Variants in MYRIP observed in about 807,000 individuals in gnomAD.
The protein encoded by MYRIP is rab effector MyRIP.
A neutral mutation model predicts 98.0 loss-of-function variants in MYRIP; 49 were observed. That is an observed-to-expected ratio of 0.50 (90% CI 0.40 to 0.63). MYRIP has a LOEUF of 0.63. MYRIP is among the 30% of genes least tolerant of loss of function. MYRIP has a pLI of 0.00. For missense variants in MYRIP, 1,004 were observed against 1,058.2 expected (o/e 0.95, Z 0.71); for synonymous variants, 404 against 409.5 (o/e 0.99, Z 0.16).
intron 3 of MYRIP, among the ~76,000 whole-genome samples, chr3:40,065,381 G>A (rs1575508310): frequency 6.6e-6 from 1 of 152,112 alleles, no homozygotes. Context: ...GCTACTCAGT[G>A]TTAGGACTTC....
At chr3:39,995,836 T>C (rs1946336938) in intron 2 of MYRIP, among the ~76,000 whole-genome samples, 1 of 152,220 alleles carries the variant, frequency 6.6e-6, no homozygotes, top group Non-Finnish European at 1.5e-5. Context: ...ACAGCTGATC[T>C]CTTCGCAGAA....
intron 2 of MYRIP, among the ~76,000 whole-genome samples, chr3:40,018,168 C>T (rs755930691): frequency 2.0e-5 from 3 of 149,772 alleles, no homozygotes; most frequent in Non-Finnish European, 4.4e-5. Flanking sequence ...TGTCTCAACA[C>T]TCTGACAGAT....
intron 2 of MYRIP, among the ~76,000 whole-genome samples, chr3:39,908,336 T>G (rs987789224): frequency 1.3e-5 from 2 of 152,138 alleles, no homozygotes; most frequent in Admixed American, 1.3e-4. Flanking sequence ...AAATAAACGC[T>G]TTTGAGACCT....
In MYRIP at chr3:40,178,642, T is replaced by C. The variant is rs547218845; in HGVS notation, c.874-3578T>C. Among the ~76,000 whole-genome samples the C allele has an allele frequency of 2.0e-5, 3 of 152,334 alleles. No homozygotes were observed. In the East Asian group the frequency reaches 5.8e-4, roughly 29 times the overall value. On this transcript the variant is annotated intron_variant, in intron 8 of 16. Coordinates refer to ENST00000302541, the MANE Select transcript of MYRIP (RefSeq NM_015460.4). The stretch of plus-strand genomic sequence containing the variant: ...CTCAGTGGTAATACTTAATAAATGC[T>C]CTTATTTGGCTAATATTTATTGAGT...
intron 2 of MYRIP, among the ~76,000 whole-genome samples, chr3:39,996,740 G>A (rs1946369154): frequency 6.6e-6 from 1 of 152,096 alleles, no homozygotes; most frequent in Non-Finnish European, 1.5e-5. Context: ...ATTCTTTACA[G>A]CACCACACCA....
chr3:39,859,150 C>T (rs983932738), intron 1 of MYRIP, among the ~76,000 whole-genome samples: 15 of 142,670 alleles, frequency 1.1e-4, no homozygotes, highest in African/African-American at 3.3e-4. Flanking sequence ...GCTAGACTAA[C>T]GAAAGATGGA....
intron 1 of MYRIP, among the ~76,000 whole-genome samples, chr3:39,812,195 A>G (rs974946564): frequency 6.6e-6 from 1 of 152,018 alleles, no homozygotes; most frequent in South Asian, 2.1e-4. Context: ...CATTACCCCT[A>G]CCTACAGGCA....
chr3:40,060,714 C>T (rs543762677), intron 3 of MYRIP, among the ~76,000 whole-genome samples: 30 of 151,986 alleles, frequency 2.0e-4, no homozygotes, highest in Admixed American at 5.2e-4. Flanking sequence ...GCCTCAGCCT[C>T]CCTAGTAGCT....
intron 8 of MYRIP, among the ~76,000 whole-genome samples, chr3:40,176,232 C>T (rs1245764553): frequency 6.6e-6 from 1 of 152,218 alleles, no homozygotes; most frequent in Middle Eastern, 3.4e-3. Context: ...AGTATGGTGG[C>T]CGTAAGCTAC....
chr3:40,001,128 A>G (rs1260995553), intron 2 of MYRIP, among the ~76,000 whole-genome samples: 2 of 152,208 alleles, frequency 1.3e-5, no homozygotes, highest in Non-Finnish European at 2.9e-5. Context: ...TAACTATCCT[A>G]ATGCTTCATG....
intron 2 of MYRIP, among the ~76,000 whole-genome samples, chr3:39,986,714 T>C (rs1361816974): frequency 6.6e-6 from 1 of 152,164 alleles, no homozygotes; most frequent in African/African-American, 2.4e-5. Flanking sequence ...TGATAGAGAA[T>C]ATAACCCCCG....
intron 11 of MYRIP, among the ~76,000 whole-genome samples, chr3:40,228,522 CCCCT>C (rs1169694896): frequency 6.6e-6 from 1 of 152,036 alleles, no homozygotes. Context: ...CTCGCCACTG[CCCCT>C]GTTTCTTGGC....
intron 3 of MYRIP, among the ~76,000 whole-genome samples, chr3:40,118,929 A>G (rs1476670693): frequency 1.3e-5 from 2 of 151,922 alleles, no homozygotes; most frequent in South Asian, 2.1e-4. Context: ...TTATGGCTGC[A>G]TAGTATTCCA....
chr3:40,096,897 G>C lies in MYRIP; in HGVS notation c.332+52626G>C, dbSNP rs371318019. 2.6e-4 allele frequency among the ~76,000 whole-genome samples: 39 copies of C among 152,336 alleles called. No individual in the cohort carries two copies. In the South Asian group the frequency reaches 7.2e-3, roughly 28 times the overall value. ...GGCAAAGCTTGTGCTGCTTGGCAAA[G>C]CCCCTGGTTTACTGTTTGGGTGAAG... is the stretch of plus-strand genomic sequence containing the variant. On this transcript the variant is annotated intron_variant, in intron 3 of 16. Coordinates refer to ENST00000302541, the MANE Select transcript of MYRIP (RefSeq NM_015460.4).
chr3:39,991,765 C>G (rs1403116069), intron 2 of MYRIP, among the ~76,000 whole-genome samples: 1 of 152,128 alleles, frequency 6.6e-6, no homozygotes, highest in Non-Finnish European at 1.5e-5. Context: ...GTCCCCTTAT[C>G]CTGCTCTATA....
intron 2 of MYRIP, among the ~76,000 whole-genome samples, chr3:39,926,692 A>G (rs1038915081): frequency 2.0e-5 from 3 of 151,866 alleles, no homozygotes; most frequent in African/African-American, 7.3e-5. Flanking sequence ...TGTTGGTTTT[A>G]TGTGTCTATT....
At chr3:40,224,082 A>G (rs1952419484) in intron 11 of MYRIP, among the ~76,000 whole-genome samples, 1 of 152,158 alleles carries the variant, frequency 6.6e-6, no homozygotes, top group Non-Finnish European at 1.5e-5. Flanking sequence ...GGCTAGAGCA[A>G]TGTGGCCAAG....
intron 8 of MYRIP, among the ~76,000 whole-genome samples, chr3:40,170,651 A>G (rs1950592129): frequency 6.6e-6 from 1 of 152,222 alleles, no homozygotes; most frequent in African/African-American, 2.4e-5. Flanking sequence ...TGAGTCTGTC[A>G]CATCCTTTGT....
chr3:39,842,754 C>A (rs899795264), intron 1 of MYRIP, among the ~76,000 whole-genome samples: 4 of 127,940 alleles, frequency 3.1e-5, no homozygotes, highest in African/African-American at 9.3e-5. Context: ...GAGGTGATTA[C>A]CCCCCCTGCT....
Sources: allele counts gnomAD v4.1 joint callset (sites outside exome capture counted in the v4.1 genomes callset), GRCh38; gene constraint gnomAD v4.1.1; transcripts MANE v1.5; gene names NCBI Gene and HGNC (gene_info 2026-07-23, HGNC 2026-07-21).